Variants in CC2D2B observed in about 807,000 individuals in gnomAD.
CC2D2B encodes protein CC2D2B.
Under a neutral mutation model 161.2 loss-of-function variants are expected in CC2D2B, and 128 were observed. The observed-to-expected ratio is 0.79, with a 90% CI of 0.69 to 0.92. The LOEUF (loss-of-function observed/expected upper bound fraction) is 0.92. CC2D2B is among the 40% of genes least tolerant of loss of function. The probability of loss-of-function intolerance (pLI) is 0.00; values close to 1 mark genes in which losing one functional copy is unlikely to be tolerated. For missense variants in CC2D2B, 1,173 were observed against 1,375.1 expected (o/e 0.85, Z 2.32); for synonymous variants, 391 against 449.8 (o/e 0.87, Z 1.65).
chr10:96,017,679 C>G (rs2079265653), intron 30 of CC2D2B, among the ~76,000 whole-genome samples: 1 of 152,024 alleles, frequency 6.6e-6, no homozygotes. Flanking sequence ...GCCTATGATC[C>G]CAGCACTTTG....
intron 14 of CC2D2B, among the ~76,000 whole-genome samples, chr10:95,968,002 A>C (rs556940463): frequency 1.3e-5 from 2 of 152,312 alleles, no homozygotes; most frequent in Admixed American, 6.5e-5. Context: ...CACTAGGAAA[A>C]TATTCAATAA....
chr10:95,969,010 T>C (rs1261348074), intron 15 of CC2D2B, 109 bp downstream of exon 15: 1 of 429,976 alleles, frequency 2.3e-6, no homozygotes, highest in Non-Finnish European at 3.9e-6. Flanking sequence ...TGTTAAGAGA[T>C]GGACTGATCT....
intron 33 of CC2D2B, among the ~76,000 whole-genome samples, chr10:96,025,154 A>ATATATATAT: frequency 5.0e-5 from 1 of 20,084 alleles, no homozygotes; most frequent in Admixed American, 8.4e-4. Flanking sequence ...ACTAAAAAAA[A>ATATATATAT]ATATATATAT....
Position 95,961,944 on chromosome 10 carries a change from AC to A in CC2D2B, c.1229del (p.Pro410GlnfsTer2). The stretch of plus-strand genomic sequence containing the variant: ...TCGACATGGGCAAGGGTTTACAAGC[AC>A]CCCAATAAAGTTACAGGTTCAGAGG... ...SLRHGQGFTS[T>X]PIKLQVQRIK... On this transcript the variant is annotated frameshift_variant, in exon 12 of 35. Coordinates refer to ENST00000646931, the MANE Select transcript of CC2D2B (RefSeq NM_001349008.3). LOFTEE classifies it high-confidence loss of function. 8.1e-7 allele frequency: 1 copy of A among 1,231,610 alleles called. No homozygotes were observed. Among genetic ancestry groups the A allele is most frequent in the Non-Finnish European group, 1.0e-6 (1 of 987,660 alleles). The allele number at this position is 1,231,610 out of a possible 1,614,324, so 76.3% of individuals were successfully genotyped here.
At chr10:95,971,517 G>C (rs893682395) in intron 15 of CC2D2B, among the ~76,000 whole-genome samples, 5 of 152,024 alleles carry the variant, frequency 3.3e-5, no homozygotes, top group African/African-American at 1.2e-4. Flanking sequence ...CTATGGGACT[G>C]TCTACTCAGC....
intron 14 of CC2D2B, among the ~76,000 whole-genome samples, chr10:95,966,990 C>T (rs929481260): frequency 6.6e-6 from 1 of 152,178 alleles, no homozygotes. Context: ...TTTTCAACAT[C>T]TCTATCCCAT....
At chr10:96,012,849 A>G in intron 28 of CC2D2B, 120 bp downstream of exon 28, 1 of 665,158 alleles carries the variant, frequency 1.5e-6, no homozygotes, top group South Asian at 1.9e-5. Flanking sequence ...AAATATTTGT[A>G]CTGTTTGTGA....
rs753674155 is a variant in CC2D2B, at chr10:95,927,303, G to A, written c.307G>A (p.Gly103Ser). 62 of 1,551,210 alleles carry A rather than the reference G, an allele frequency of 4.0e-5. No homozygotes were observed. The highest frequency in any genetic ancestry group is 2.9e-4 in the East Asian group (12 of 40,900). Residue 103 changes from glycine to serine, a missense_variant, in exon 6 of 35, where the codon GGT (glycine) becomes AGT (serine). By Grantham distance (56) the Gly-to-Ser change is moderately conservative. Transcript: ENST00000646931. The stretch of plus-strand genomic sequence containing the variant: ...ATTTTTCATTCTGAGTGGTGAAGAA[G>A]GTTCAGCTTTGGGCAAGTCTTCAGA... ...LSFFILSGEE[G>S]SALGKSSEQR...
chr10:95,925,106 G>T (rs1398245568), intron 5 of CC2D2B, among the ~76,000 whole-genome samples: 3 of 152,136 alleles, frequency 2.0e-5, no homozygotes, highest in African/African-American at 7.2e-5. Context: ...ATTGTTAAAA[G>T]ATAAACTTAG....
At chr10:95,993,952 GTATATATATATATATATATATATATA>G (rs1169560460) in intron 22 of CC2D2B, among the ~76,000 whole-genome samples, 320 of 18,178 alleles carry the variant, frequency 0.018, 8 homozygotes, top group African/African-American at 0.044. Flanking sequence ...GTATGTATGT[GTATATATATATATATATATATATATA>G]TATATATATA....
Position 96,027,277 on chromosome 10 carries a change from G to A in CC2D2B, c.4013G>A (p.Arg1338Gln), listed in dbSNP as rs1346488034. Residue 1338 changes from arginine to glutamine, a missense_variant, in exon 34 of 35, where the codon CGA becomes CAA. Around this residue, in one of 3 missense-constraint regions of CC2D2B, gnomAD observed 598 missense variants for 693.2 expected, o/e 0.86. Coordinates refer to ENST00000646931, the MANE Select transcript of CC2D2B (RefSeq NM_001349008.3). ...CCTAAACACCCAACACATTGGAATCGACAGTGTACTTTTATTTTGCGACAA... is the reference window on the plus strand; with the variant it reads ...CCTAAACACCCAACACATTGGAATCAACAGTGTACTTTTATTTTGCGACAA... ...WRPKHPTHWN[R>Q]QCTFILRQIL... 57 of 1,550,992 alleles carry A rather than the reference G, an allele frequency of 3.7e-5. No individual in the cohort carries two copies. The highest frequency in any genetic ancestry group is 4.5e-5 in the Non-Finnish European group (52 of 1,146,712).
At chr10:95,992,460 A>G in intron 21 of CC2D2B, 67 bp from the exon 22 acceptor site, 1 of 1,157,314 alleles carries the variant, frequency 8.6e-7, no homozygotes, top group South Asian at 4.4e-5. Context: ...TCAATTACTC[A>G]AAAGACTGTT....
chr10:96,027,039 C>T (rs111353264), intron 33 of CC2D2B, among the ~76,000 whole-genome samples, 173 bp from the exon 34 acceptor site: 11 of 152,186 alleles, frequency 7.2e-5, no homozygotes, highest in African/African-American at 2.4e-4. Context: ...AGGAGAATCA[C>T]TTGAACCCGG....
intron 34 of CC2D2B, among the ~76,000 whole-genome samples, chr10:96,031,032 G>C (rs1325344546): frequency 1.3e-5 from 2 of 152,104 alleles, no homozygotes; most frequent in Admixed American, 6.6e-5. Context: ...GATTATGTGA[G>C]TTAATAATTA....
At chr10:95,907,954 T>A (rs962874398), upstream of CC2D2B, 1 of 152,394 alleles carries the variant, frequency 6.6e-6, no homozygotes, top group Non-Finnish European at 1.5e-5. Flanking sequence ...GCCGTAGGGC[T>A]GGCGCAGGGT....
At chr10:95,994,386 C>T (rs1229524765) in intron 22 of CC2D2B, among the ~76,000 whole-genome samples, 1 of 152,202 alleles carries the variant, frequency 6.6e-6, no homozygotes, top group Non-Finnish European at 1.5e-5. Flanking sequence ...CTACCGCTAT[C>T]TTCTAAGAAC....
chr10:95,917,177 T>C (rs2098517856), intron 2 of CC2D2B, among the ~76,000 whole-genome samples: 1 of 152,234 alleles, frequency 6.6e-6, no homozygotes, highest in Non-Finnish European at 1.5e-5. Flanking sequence ...ATTTATTTTA[T>C]CTGATATAAT....
intron 2 of CC2D2B, 88 bp downstream of exon 2, chr10:95,911,447 T>G: frequency 4.8e-6 from 1 of 207,480 alleles, no homozygotes; most frequent in Non-Finnish European, 9.5e-6. Context: ...TGTGATACAT[T>G]TGTTTCTATA....
At chr10:95,935,445 A>G (rs1382339431) in intron 6 of CC2D2B, among the ~76,000 whole-genome samples, 1 of 150,924 alleles carries the variant, frequency 6.6e-6, no homozygotes, top group Non-Finnish European at 1.5e-5. Context: ...TTTCCATACC[A>G]TACAGTCATC....
Sources: gnomAD v4.1 joint callset for allele counts (sites outside exome capture counted in the v4.1 genomes callset) on GRCh38, gnomAD v4.1.1 for gene constraint, gnomAD v4.1.1 regional missense constraint, MANE v1.5 for transcripts, NCBI Gene and HGNC (gene_info 2026-07-23, HGNC 2026-07-21) for gene names.